The following DSCAM variants were observed in gnomAD, a reference collection of about 807,000 sequenced individuals.
DSCAM encodes the protein DS cell adhesion molecule.
Under a neutral mutation model 217.7 loss-of-function variants are expected in DSCAM, and 47 were observed. The observed-to-expected ratio is 0.22, with a 90% CI of 0.17 to 0.28. DSCAM has a LOEUF of 0.28. Ranked by LOEUF, DSCAM falls within the 10% of genes least tolerant of loss-of-function variation. The pLI, the probability that DSCAM is intolerant of heterozygous loss-of-function variation, is 1.00. For missense variants in DSCAM, 2,080 were observed against 2,618.3 expected (o/e 0.79, Z 4.49); for synonymous variants, 1,056 against 1,015.3 (o/e 1.04, Z -0.76).
chr21:40,759,811 C>A (rs1183421303), intron 1 of DSCAM, among the ~76,000 whole-genome samples: 6 of 152,122 alleles, frequency 3.9e-5, no homozygotes, highest in Non-Finnish European at 8.8e-5. Flanking sequence ...CCCTCCTTTT[C>A]CTTCCTCACT....
chr21:40,616,875 G>A (rs1171874883), intron 3 of DSCAM, among the ~76,000 whole-genome samples: 1 of 151,486 alleles, frequency 6.6e-6, no homozygotes, highest in Non-Finnish European at 1.5e-5. Context: ...AAATTAGCCG[G>A]GCGTAGTGGC....
chr21:40,269,961 A>T (rs1287216038), intron 11 of DSCAM, among the ~76,000 whole-genome samples: 1 of 152,212 alleles, frequency 6.6e-6, no homozygotes, highest in African/African-American at 2.4e-5. Flanking sequence ...TTCAATTTTT[A>T]GCACAGAGAA....
chr21:40,485,697 GTTAC>G (rs560830406), intron 3 of DSCAM, among the ~76,000 whole-genome samples: 337 of 152,030 alleles, frequency 2.2e-3, no homozygotes, highest in African/African-American at 7.8e-3. Flanking sequence ...CAATTTAGAT[GTTAC>G]TTACATGCAT....
In DSCAM at chr21:40,501,325, T is replaced by C. The variant is rs115736911; in HGVS notation, c.509-132080A>G. Among the ~76,000 whole-genome samples the C allele has an allele frequency of 2.4e-3, 370 of 152,334 alleles. 2 individuals carry two copies. Among genetic ancestry groups the C allele is most frequent in the African/African-American group, 8.6e-3 (357 of 41,570 alleles). On this transcript the variant is annotated intron_variant, in intron 3 of 32. Coordinates refer to ENST00000400454, the MANE Select transcript of DSCAM (RefSeq NM_001389.5). Reference sequence around the variant, plus strand: ...CAAATACATATTTGAAGTATTGTTATTACTTCTGTCCCAAACACTAGAGGA... The same window carrying C: ...CAAATACATATTTGAAGTATTGTTACTACTTCTGTCCCAAACACTAGAGGA...
Position 40,508,754 on chromosome 21 carries a change from TA to T in DSCAM, c.509-139510del, listed in dbSNP as rs1568862795. Reference sequence around the variant, plus strand: ...CGGCAAATATATATATATATATATATATATATATATATATATATATATATAT... The same window carrying T: ...CGGCAAATATATATATATATATATATTATATATATATATATATATATATAT... On this transcript the variant is annotated intron_variant, in intron 3 of 32. Transcript: ENST00000400454. Among the ~76,000 whole-genome samples the T allele has an allele frequency of 8.9e-3, 43 of 4,812 alleles. 4 individuals are homozygous for T. Among genetic ancestry groups the T allele is most frequent in the African/African-American group, 0.019 (22 of 1,148 alleles). 3.2% of individuals were successfully genotyped at this position (4,812 alleles called of 152,430 possible).
chr21:40,774,631 G>A (rs2123402252), intron 1 of DSCAM, among the ~76,000 whole-genome samples: 2 of 152,340 alleles, frequency 1.3e-5, no homozygotes, highest in South Asian at 4.1e-4. Flanking sequence ...ATCTGAATAT[G>A]TGAAACTATA....
chr21:40,039,767 A>G (rs1180381811), intron 32 of DSCAM, among the ~76,000 whole-genome samples: 1 of 152,194 alleles, frequency 6.6e-6, no homozygotes, highest in African/African-American at 2.4e-5. Flanking sequence ...CTTGATGGCA[A>G]TTTGCAGAGA....
At chr21:40,463,797 C>T (rs1405720932) in intron 3 of DSCAM, among the ~76,000 whole-genome samples, 2 of 152,212 alleles carry the variant, frequency 1.3e-5, no homozygotes, top group African/African-American at 4.8e-5. Context: ...TTCTTGTTCC[C>T]TGAGCTCCAT....
chr21:40,444,397 C>T (rs1601649193), intron 3 of DSCAM, among the ~76,000 whole-genome samples: 2 of 152,326 alleles, frequency 1.3e-5, no homozygotes, highest in Admixed American at 1.3e-4. Context: ...GAAAACCCCA[C>T]ATACTTACTA....
At position 40,671,936 on chromosome 21, in the gene DSCAM, AAAGTTATATTTTCACAGT is replaced by A. The variant is rs528669301; in HGVS notation, c.508+20856_508+20873del. Among the ~76,000 whole-genome samples the A allele has an allele frequency of 1.9e-3, 291 of 152,244 alleles. 4 individuals are homozygous for A. The highest frequency in any genetic ancestry group is 6.9e-3 in the African/African-American group (285 of 41,546). ...ACAGGCAGGATGGCTTAGACAACAG[AAAGTTATATTTTCACAGT>A]TCTGGAGGCCAGAGTCCGAAATCAA... On this transcript the variant is annotated intron_variant, in intron 3 of 32. Coordinates refer to ENST00000400454, the MANE Select transcript of DSCAM (RefSeq NM_001389.5).
At chr21:40,093,029 C>A (rs2089630804) in intron 21 of DSCAM, among the ~76,000 whole-genome samples, 1 of 152,082 alleles carries the variant, frequency 6.6e-6, no homozygotes, top group South Asian at 2.1e-4. Flanking sequence ...TGCCACTGTT[C>A]TATAACTCAA....
intron 14 of DSCAM, among the ~76,000 whole-genome samples, chr21:40,185,531 C>G (rs2146822028): frequency 6.6e-6 from 1 of 152,280 alleles, no homozygotes; most frequent in East Asian, 1.9e-4. Flanking sequence ...CTGTGTGCTC[C>G]CGCACCAACA....
intron 2 of DSCAM, among the ~76,000 whole-genome samples, chr21:40,695,828 TA>T (rs1568989517): frequency 6.6e-6 from 1 of 152,298 alleles, no homozygotes; most frequent in African/African-American, 2.4e-5. Flanking sequence ...TATAGTTTTT[TA>T]AAAAAATGCA....
At chr21:40,135,334 C>A (rs2090196145) in intron 18 of DSCAM, among the ~76,000 whole-genome samples, 1 of 152,262 alleles carries the variant, frequency 6.6e-6, no homozygotes, top group Non-Finnish European at 1.5e-5. Context: ...ATGTGATATG[C>A]ATGCCTGCCT....
chr21:40,257,497 C>CACACACACACACACACACACAA (rs975639777), intron 11 of DSCAM, among the ~76,000 whole-genome samples: 4 of 151,712 alleles, frequency 2.6e-5, no homozygotes, highest in African/African-American at 9.7e-5. Context: ...CACACACACA[C>CACACACACACACACACACACAA]AATGGCAAAC....
At chr21:40,558,257 T>C (rs12626924) in intron 3 of DSCAM, among the ~76,000 whole-genome samples, 68,470 of 151,778 alleles carry the variant, frequency 0.45, 16,716 homozygotes, top group Admixed American at 0.55. Flanking sequence ...CCATCCTGGT[T>C]AACACGGTGA....
chr21:40,185,103 G>A (rs139676748), intron 14 of DSCAM, among the ~76,000 whole-genome samples: 2 of 152,290 alleles, frequency 1.3e-5, no homozygotes, highest in East Asian at 3.9e-4. Context: ...CTAGCGTGGT[G>A]GAGGTGAAAT....
At chr21:40,466,833 C>T (rs1020116567) in intron 3 of DSCAM, among the ~76,000 whole-genome samples, 10 of 152,196 alleles carry the variant, frequency 6.6e-5, no homozygotes, top group African/African-American at 2.4e-4. Context: ...TGTGGCTTCT[C>T]CCGGACAAAT....
intron 3 of DSCAM, among the ~76,000 whole-genome samples, chr21:40,516,918 C>CATAT (rs1034923938): frequency 4.7e-4 from 69 of 148,204 alleles, no homozygotes; most frequent in African/African-American, 1.6e-3. Context: ...CACACACACA[C>CATAT]ATATACCTTA....
Sources: allele counts gnomAD v4.1 joint callset (sites outside exome capture counted in the v4.1 genomes callset), GRCh38; gene constraint gnomAD v4.1.1; transcripts MANE v1.5; gene names NCBI Gene and HGNC (gene_info 2026-07-23, HGNC 2026-07-21).